CCM2: variants seen among roughly 807,000 people sequenced by gnomAD.
The protein encoded by CCM2 is CCM2 scaffold protein, also known as cerebral cavernous malformations 2 protein.
In CCM2, 25 loss-of-function variants were observed where a neutral mutation model predicts 44.9. The observed-to-expected ratio is 0.56, with a 90% CI of 0.41 to 0.78. The LOEUF (loss-of-function observed/expected upper bound fraction) is 0.78, where lower values mean the gene tolerates loss of function less well. CCM2 is among the 30% of genes least tolerant of loss of function. The pLI, the probability that CCM2 is intolerant of heterozygous loss-of-function variation, is 0.00. For synonymous variants in CCM2, 219 were observed against 241.1 expected (o/e 0.91, Z 0.85); for missense variants, 481 against 580.6 (o/e 0.83, Z 1.76).
At position 45,073,570 on chromosome 7, in the gene CCM2, C is replaced by T. The variant is rs1799193507; in HGVS notation, c.914C>T (p.Thr305Met). Reference sequence around the variant, plus strand: ...GAGCTGCTGCAGGACTACATGCTGACGGTAGGCCTCCGCTGCAGGGACGCT... The same window carrying T: ...GAGCTGCTGCAGGACTACATGCTGATGGTAGGCCTCCGCTGCAGGGACGCT... ...ATELLQDYML[T>M]LRTKLSSQEI... The change falls in exon 8 of 10, where the codon ACG becomes ATG. Residue 305 changes from threonine (T) to methionine (M), a missense_variant and splice_region_variant. Physicochemically the swap from Thr to Met is moderately conservative, Grantham distance 81. Coordinates refer to ENST00000258781, the MANE Select transcript of CCM2 (RefSeq NM_031443.4). 3 of 1,603,800 alleles carry T rather than the reference C, an allele frequency of 1.9e-6. No individual in the cohort carries two copies. Among genetic ancestry groups the T allele is most frequent in the South Asian group, 1.1e-5 (1 of 90,894 alleles).
chr7:45,028,788 TA>T (rs930299508), intron 1 of CCM2, among the ~76,000 whole-genome samples: 530 of 141,570 alleles, frequency 3.7e-3, no homozygotes, highest in East Asian at 6.9e-3. Context: ...CCAAAGCACT[TA>T]AAAAAAAAAA....
At chr7:45,074,484 A>G in intron 9 of CCM2, 76 bp downstream of exon 9, 1 of 1,250,666 alleles carries the variant, frequency 8.0e-7, no homozygotes, top group Non-Finnish European at 1.2e-6. Context: ...GAATGTGCAC[A>G]CGGACCCCTC....
chr7:45,018,564 T>G (rs1161972073), intron 1 of CCM2, among the ~76,000 whole-genome samples: 1 of 152,062 alleles, frequency 6.6e-6, no homozygotes, highest in Non-Finnish European at 1.5e-5. Flanking sequence ...TTTCACCATG[T>G]TGATGGGGCT....
intron 1 of CCM2, among the ~76,000 whole-genome samples, chr7:45,030,628 T>G (rs1337007100): frequency 6.6e-6 from 1 of 152,218 alleles, no homozygotes; most frequent in Non-Finnish European, 1.5e-5. Flanking sequence ...TTGTCCAGGC[T>G]GGTCTTGAAC....
At position 45,000,202 on chromosome 7, in the gene CCM2, G is replaced by A; in HGVS notation, c.-132G>A. 2.5e-6 allele frequency: 1 copy of A among 400,648 alleles called. No homozygotes were observed. Among genetic ancestry groups the A allele is most frequent in the Non-Finnish European group, 3.4e-6 (1 of 295,564 alleles). 24.8% of individuals were successfully genotyped at this position (400,648 alleles called of 1,614,324 possible). ...GCGGGTGTGGGGCGCGGCCGGGGCGGAGACTTCGGGCCCGGCTGGCGGGCG... is the reference window on the plus strand; with the variant it reads ...GCGGGTGTGGGGCGCGGCCGGGGCGAAGACTTCGGGCCCGGCTGGCGGGCG... On this transcript the variant is annotated 5_prime_UTR_variant, in exon 1 of 10. Coordinates refer to ENST00000258781, the MANE Select transcript of CCM2 (RefSeq NM_031443.4).
intron 2 of CCM2, among the ~76,000 whole-genome samples, chr7:45,055,800 GCC>G (rs1446880218): frequency 1.3e-5 from 2 of 152,182 alleles, no homozygotes; most frequent in African/African-American, 4.8e-5. Context: ...CTTCCCACCA[GCC>G]CTTACTGAAA....
At chr7:45,072,515 C>T in intron 6 of CCM2, 1 of 646,280 alleles carries the variant, frequency 1.5e-6, no homozygotes, top group East Asian at 2.7e-5. Context: ...GCCAGGATCC[C>T]CAGGAGGGGT....
At chr7:45,044,022 G>T (rs1367102211) in intron 2 of CCM2, among the ~76,000 whole-genome samples, 4 of 152,156 alleles carry the variant, frequency 2.6e-5, no homozygotes, top group Non-Finnish European at 5.9e-5. Context: ...TCTCCCTCCA[G>T]AATTAGTTGT....
intron 2 of CCM2, among the ~76,000 whole-genome samples, chr7:45,046,547 AG>A (rs1179602182): frequency 6.6e-6 from 1 of 152,234 alleles, no homozygotes; most frequent in African/African-American, 2.4e-5. Flanking sequence ...GGACATTTGT[AG>A]GCAAAAATTG....
chr7:45,063,829 A>G lies in CCM2; in HGVS notation c.205-89A>G. 1.1e-5 allele frequency: 10 copies of G among 902,816 alleles called. No homozygotes were observed. In the South Asian group the frequency reaches 1.2e-4, roughly 11 times the overall value. The allele number at this position is 902,816 out of a possible 1,614,324, so 55.9% of individuals were successfully genotyped here. ...CATGGGCCTGGTGGCCTGAGTATGA[A>G]GCACTTGGTTTGTGCTCTCGGTGGT... On this transcript the variant is annotated intron_variant, in intron 2 of 9. Coordinates refer to ENST00000258781, the MANE Select transcript of CCM2 (RefSeq NM_031443.4).
chr7:45,037,016 G>C (rs559174327), intron 1 of CCM2, among the ~76,000 whole-genome samples: 25 of 152,100 alleles, frequency 1.6e-4, no homozygotes, highest in Non-Finnish European at 3.2e-4. Context: ...CACGGCTCTG[G>C]TTTTTGCAGG....
At chr7:45,056,560 C>T (rs1243087004) in intron 2 of CCM2, among the ~76,000 whole-genome samples, 1 of 152,188 alleles carries the variant, frequency 6.6e-6, no homozygotes, top group Non-Finnish European at 1.5e-5. Context: ...TTTTGATTTG[C>T]ATTTCCCTAA....
At chr7:45,074,190 A>G in intron 8 of CCM2, 80 bp from the exon 9 acceptor site, 2 of 1,604,212 alleles carry the variant, frequency 1.2e-6, no homozygotes, top group Non-Finnish European at 1.7e-6. Flanking sequence ...GGCTGGGGTT[A>G]GTGGCTGTGG....
chr7:45,043,437 T>C (rs568742626), intron 2 of CCM2, among the ~76,000 whole-genome samples: 1 of 152,170 alleles, frequency 6.6e-6, no homozygotes, highest in Non-Finnish European at 1.5e-5. Flanking sequence ...ACTGTGGCTG[T>C]GAGAATAAAC....
At chr7:45,068,342 G>C in intron 4 of CCM2, 101 bp from the exon 5 acceptor site, 1 of 1,496,228 alleles carries the variant, frequency 6.7e-7, no homozygotes, top group South Asian at 1.1e-5. Context: ...GCCAGGTAAA[G>C]GTCCTCTCAG....
intron 2 of CCM2, among the ~76,000 whole-genome samples, chr7:45,058,900 A>ATTTT (rs71565945): frequency 3.5e-5 from 5 of 142,558 alleles, no homozygotes; most frequent in African/African-American, 1.0e-4. Flanking sequence ...CGCCCAGCTA[A>ATTTT]TTTTTTTTTT....
intron 2 of CCM2, among the ~76,000 whole-genome samples, chr7:45,043,994 C>G (rs1311956497): frequency 6.6e-6 from 1 of 152,222 alleles, no homozygotes; most frequent in African/African-American, 2.4e-5. Flanking sequence ...TTCTTGTTTT[C>G]TCTGGCTTAT....
At chr7:45,070,195 A>G in intron 6 of CCM2, 1 of 571,464 alleles carries the variant, frequency 1.7e-6, no homozygotes, top group Non-Finnish European at 3.1e-6. Context: ...CCTGGAATAA[A>G]TTTGGGGTCT....
rs144834241 is a variant in CCM2 at position 45,071,478 on chromosome 7, A to G, written c.746-1248A>G. 5.4e-5 allele frequency: 15 copies of G among 278,638 alleles called. No homozygotes were observed. The Admixed American group carries it at 7.5e-4, about 14-fold the overall frequency. 17.3% of individuals were successfully genotyped at this position (278,638 alleles called of 1,614,324 possible). A position where few individuals can be genotyped will look rare whatever the true frequency, so the allele number is the denominator to read the frequency against. ...AGATGTGCACACGTTACGCACATGC[A>G]TGCATTCTCTGCTTATTTCTGCCTT... On this transcript the variant is annotated intron_variant, in intron 6 of 9. Transcript: ENST00000258781.
Sources: allele counts gnomAD v4.1 joint callset (sites outside exome capture counted in the v4.1 genomes callset), GRCh38; gene constraint gnomAD v4.1.1; transcripts MANE v1.5; gene names NCBI Gene and HGNC (gene_info 2026-07-23, HGNC 2026-07-21).